KATNIP: variants seen among roughly 807,000 people sequenced by gnomAD.
KATNIP encodes the protein katanin-interacting protein.
KATNIP carries 126 observed loss-of-function variants against 174.0 expected under a neutral mutation model. The ratio of observed to expected loss-of-function variants is 0.72; its 90% CI spans 0.63 to 0.84. KATNIP has a LOEUF of 0.84. KATNIP is among the 40% of genes least tolerant of loss of function. The pLI is 0.00. For missense variants in KATNIP, 1,958 were observed against 2,109.7 expected, an observed-to-expected ratio of 0.93 and a Z score of 1.41; for synonymous variants, 810 against 835.7, an observed-to-expected ratio of 0.97 and a Z score of 0.53.
intron 11 of KATNIP, 73 bp from the exon 12 acceptor site, chr16:27,703,823 A>G: frequency 8.8e-7 from 1 of 1,137,108 alleles, no homozygotes; most frequent in Non-Finnish European, 1.3e-6. Context: ...CGAGTGCAGC[A>G]CTTTTGATTG....
At chr16:27,749,105 T>C (rs1018359075) in intron 15 of KATNIP, among the ~76,000 whole-genome samples, 11 of 152,188 alleles carry the variant, frequency 7.2e-5, no homozygotes, top group African/African-American at 2.7e-4. Flanking sequence ...GCAGCAGCAT[T>C]GCCCCTGGTC....
chr16:27,724,624 C>T (rs2080374122), intron 14 of KATNIP, among the ~76,000 whole-genome samples: 1 of 152,152 alleles, frequency 6.6e-6, no homozygotes, highest in African/African-American at 2.4e-5. Flanking sequence ...GACTGCGGTT[C>T]CTGCCAGGGC....
rs1567438316 is a variant in KATNIP at position 27,776,861 on chromosome 16, C to A, written c.4450-67C>A. 4.2e-6 allele frequency: 5 copies of A among 1,196,084 alleles called. No individual in the cohort carries two copies. Among genetic ancestry groups the A allele is most frequent in the Non-Finnish European group, 2.5e-6 (2 of 804,012 alleles). 74.1% of individuals were successfully genotyped at this position (1,196,084 alleles called of 1,614,324 possible). On this transcript the variant is annotated intron_variant, in intron 24 of 27. Transcript: ENST00000261588. The surrounding 1 kb of genome is among the most constrained non-coding windows in gnomAD (Gnocchi z 4.7). ...CGCTCACCCCAGCCCACGCCTGGCA[C>A]CCCCAGCCCAGCCAAGCGCCTCTGT...
intron 3 of KATNIP, among the ~76,000 whole-genome samples, chr16:27,620,677 C>T (rs1026889505): frequency 3.9e-5 from 6 of 152,146 alleles, no homozygotes; most frequent in Admixed American, 6.5e-5. Context: ...CTGAGCTTTA[C>T]GCTGGACATT....
chr16:27,591,076 C>G (rs960793270), intron 2 of KATNIP, among the ~76,000 whole-genome samples: 1 of 152,146 alleles, frequency 6.6e-6, no homozygotes, highest in Non-Finnish European at 1.5e-5. Flanking sequence ...CCTTCCTGGT[C>G]ACCTTCATCT....
At chr16:27,703,808 A>G in intron 11 of KATNIP, 88 bp from the exon 12 acceptor site, 1 of 988,716 alleles carries the variant, frequency 1.0e-6, no homozygotes, top group Middle Eastern at 2.1e-4. Context: ...ATCATTTCCT[A>G]TCCCCGAGTG....
In KATNIP at chr16:27,584,590, T is replaced by TGA. The variant is rs201526174; in HGVS notation, c.63+10635_63+10636dup. Among the ~76,000 whole-genome samples the TGA allele has an allele frequency of 9.6e-3, 1,455 of 152,128 alleles. 25 individuals are homozygous for TGA. Among genetic ancestry groups the TGA allele is most frequent in the African/African-American group, 0.034 (1,391 of 41,472 alleles). On this transcript the variant is annotated intron_variant, in intron 2 of 27. Coordinates refer to ENST00000261588, the MANE Select transcript of KATNIP (RefSeq NM_015202.5). ...GGTGGATCACCTAAGGTCAGGAATTTGACCAGCCTGGCTAACATGGCAAAA... is the reference window on the plus strand; with the variant it reads ...GGTGGATCACCTAAGGTCAGGAATTTGAGACCAGCCTGGCTAACATGGCAAAA...
In KATNIP at chr16:27,573,890, A is replaced by G. The variant is rs765681052; in HGVS notation, c.8-11A>G. ...AGCCTTAATCTTGGTTCTGCTTTTG[A>G]ACTGCGACAGGTCAGACTCTGCGAA... is the stretch of plus-strand genomic sequence containing the variant. On this transcript the variant is annotated splice_polypyrimidine_tract_variant and intron_variant, in intron 1 of 27. Coordinates refer to ENST00000261588, the MANE Select transcript of KATNIP (RefSeq NM_015202.5). 1 of 1,614,098 alleles carries G rather than the reference A, an allele frequency of 6.2e-7. No homozygotes were observed. Among genetic ancestry groups the G allele is most frequent in the South Asian group, 1.1e-5 (1 of 91,082 alleles).
At chr16:27,613,939 CAG>C (rs892959386) in intron 2 of KATNIP, among the ~76,000 whole-genome samples, 5 of 152,140 alleles carry the variant, frequency 3.3e-5, no homozygotes, top group African/African-American at 1.2e-4. Context: ...TTTAGAGAGA[CAG>C]GGTCTCACCC....
intron 20 of KATNIP, among the ~76,000 whole-genome samples, chr16:27,769,416 GCT>G (rs1344582867): frequency 6.6e-6 from 1 of 152,242 alleles, no homozygotes; most frequent in Non-Finnish European, 1.5e-5. Context: ...TTTGTGCCAG[GCT>G]CTGTTTAGGG....
At chr16:27,631,627 C>A (rs1287795540) in intron 5 of KATNIP, among the ~76,000 whole-genome samples, 1 of 152,076 alleles carries the variant, frequency 6.6e-6, no homozygotes, top group Non-Finnish European at 1.5e-5. Flanking sequence ...GTGGAACTGA[C>A]CTTTGGAGAG....
At chr16:27,667,124 C>A (rs1212812204) in intron 6 of KATNIP, among the ~76,000 whole-genome samples, 2 of 152,092 alleles carry the variant, frequency 1.3e-5, no homozygotes, top group African/African-American at 4.8e-5. Context: ...AGTTCGAGAC[C>A]AGCCTGGGCA....
chr16:27,733,384 G>C (rs1265349930), intron 14 of KATNIP, among the ~76,000 whole-genome samples: 1 of 152,190 alleles, frequency 6.6e-6, no homozygotes, highest in Non-Finnish European at 1.5e-5. Flanking sequence ...AAAGAAGGAA[G>C]ATAAGGGCAA....
At chr16:27,654,857 C>A in intron 6 of KATNIP, 1 of 911,084 alleles carries the variant, frequency 1.1e-6, no homozygotes, top group Non-Finnish European at 1.5e-6. Context: ...AGGGCGGGCA[C>A]GGTGGCTTAT....
rs993763948 is a variant in KATNIP, at chr16:27,744,557, C to A, written c.2623+3637C>A. Among the ~76,000 whole-genome samples, 10 of 152,124 alleles carry A rather than the reference C, an allele frequency of 6.6e-5. No individual in the cohort carries two copies. The East Asian group carries it at 1.7e-3, about 27-fold the overall frequency. On this transcript the variant is annotated intron_variant, in intron 15 of 27. Coordinates refer to ENST00000261588, the MANE Select transcript of KATNIP (RefSeq NM_015202.5). ...CATGATCACACCACGGCACTCCAGC[C>A]TGGGTGACAGAGCGAGACCCTGTCT... is the stretch of plus-strand genomic sequence containing the variant.
At chr16:27,562,184 G>A (rs958220391) in intron 1 of KATNIP, among the ~76,000 whole-genome samples, 4 of 152,150 alleles carry the variant, frequency 2.6e-5, no homozygotes, top group African/African-American at 9.7e-5. Flanking sequence ...GCACATGCCT[G>A]TAGTCCCAGC....
intron 18 of KATNIP, among the ~76,000 whole-genome samples, chr16:27,757,149 A>G (rs1336650517): frequency 1.3e-5 from 2 of 152,118 alleles, no homozygotes; most frequent in East Asian, 3.9e-4. Flanking sequence ...CAGTAGTGCA[A>G]ACACAGCTCA....
chr16:27,749,839 C>G lies in KATNIP; in HGVS notation c.2879C>G (p.Thr960Arg). 6.2e-7 allele frequency: 1 copy of G among 1,614,000 alleles called. No homozygotes were observed. The highest frequency in any genetic ancestry group is 2.2e-5 in the East Asian group (1 of 44,880). ...GGGCAGGATGGCTACTCTGGAGAGA[C>G]AGACGCTGGGGGTGACTTTAAAATC... ...SRGQDGYSGE[T>R]DAGGDFKIPV... The change falls in exon 16 of 28, where the codon ACA (threonine) becomes AGA (arginine). Residue 960 changes from threonine (T) to arginine (R), a missense_variant. By Grantham distance (71) the Thr-to-Arg change is moderately conservative (BLOSUM62 -1). Around this residue, in one of 3 missense-constraint regions of KATNIP, gnomAD observed 1,557 missense variants for 1,617.8 expected, o/e 0.96. Coordinates refer to ENST00000261588, the MANE Select transcript of KATNIP (RefSeq NM_015202.5).
chr16:27,589,098 G>T (rs1251546925), intron 2 of KATNIP, among the ~76,000 whole-genome samples: 14 of 150,814 alleles, frequency 9.3e-5, no homozygotes, highest in African/African-American at 3.4e-4. Context: ...TAGAGACAGG[G>T]TTTCACCATG....
Sources: gnomAD v4.1 joint callset for allele counts (sites outside exome capture counted in the v4.1 genomes callset) on GRCh38, gnomAD v4.1.1 for gene constraint, gnomAD v4.1.1 regional missense constraint, Gnocchi (gnomAD v3.1) non-coding constraint, MANE v1.5 for transcripts, NCBI Gene and HGNC (gene_info 2026-07-23, HGNC 2026-07-21) for gene names.